The following EML6 variants were observed in gnomAD, a reference collection of about 807,000 sequenced individuals.
EML6 encodes echinoderm microtubule-associated protein-like 6.
EML6 carries 154 observed loss-of-function variants against 240.1 expected under a neutral mutation model. The observed-to-expected ratio is 0.64, with a 90% CI of 0.56 to 0.73. EML6 has a LOEUF of 0.73. Among genes scored for constraint, EML6 ranks in the 30% least tolerant of loss-of-function variants. The pLI, the probability that EML6 is intolerant of heterozygous loss-of-function variation, is 0.00. For missense variants in EML6, 2,964 were observed against 2,474.6 expected, an observed-to-expected ratio of 1.20 and a Z score of -4.20; for synonymous variants, 1,148 against 899.0, an observed-to-expected ratio of 1.28 and a Z score of -4.95.
Position 54,964,280 on chromosome 2 carries a change from C to T in EML6, c.5330+122C>T, listed in dbSNP as rs188642481. 9 of 977,530 alleles carry T rather than the reference C, an allele frequency of 9.2e-6. No individual in the cohort carries two copies. In the East Asian group the frequency reaches 2.4e-4, roughly 26 times the overall value. The allele number at this position is 977,530 out of a possible 1,614,324, so 60.6% of individuals were successfully genotyped here. ...TGTGAGAGGGTCACTTTCAACAAGC[C>T]ACCTATGAAAGAATACCTTCTCCCA... On this transcript the variant is annotated intron_variant, in intron 37 of 41. Transcript: ENST00000356458.
intron 12 of EML6, among the ~76,000 whole-genome samples, chr2:54,860,997 C>T (rs1425672366): frequency 6.6e-6 from 1 of 152,196 alleles, no homozygotes; most frequent in East Asian, 1.9e-4. Flanking sequence ...ACAGGAGTGA[C>T]ATCCCCTTGG....
intron 16 of EML6, among the ~76,000 whole-genome samples, chr2:54,874,995 T>A (rs1671432573): frequency 6.6e-6 from 1 of 152,088 alleles, no homozygotes; most frequent in Non-Finnish European, 1.5e-5. Context: ...CTCCTAGGTG[T>A]CAGGCCTCCT....
chr2:54,823,081 T>A (rs948921015), intron 5 of EML6, among the ~76,000 whole-genome samples: 1 of 152,204 alleles, frequency 6.6e-6, no homozygotes, highest in Admixed American at 6.5e-5. Flanking sequence ...AGTTTAATAT[T>A]TGAGTTTGTA....
At chr2:54,883,244 A>G (rs1344958429) in intron 17 of EML6, among the ~76,000 whole-genome samples, 2 of 152,188 alleles carry the variant, frequency 1.3e-5, no homozygotes, top group East Asian at 3.8e-4. Context: ...ATTTTTATTT[A>G]CATGTGGAGT....
chr2:54,855,067 T>C (rs887010709), intron 11 of EML6, among the ~76,000 whole-genome samples: 14 of 152,180 alleles, frequency 9.2e-5, no homozygotes, highest in African/African-American at 3.4e-4. Flanking sequence ...GTCTGGAAAA[T>C]AGCAATGGAA....
chr2:54,857,009 G>A (rs13387512), intron 11 of EML6, among the ~76,000 whole-genome samples: 29,058 of 152,054 alleles, frequency 0.19, 3,075 homozygotes, highest in African/African-American at 0.27. Context: ...CTGGATATGA[G>A]AATAGAGGAA....
intron 7 of EML6, among the ~76,000 whole-genome samples, chr2:54,839,658 C>T (rs1019464021): frequency 4.6e-5 from 7 of 152,206 alleles, no homozygotes; most frequent in African/African-American, 1.4e-4. Context: ...CAAATGAAAT[C>T]GGAGATGGTG....
At position 54,891,091 on chromosome 2, in the gene EML6, C is replaced by T; in HGVS notation, c.2476C>T (p.Pro826Ser). 2 of 1,510,842 alleles carry T rather than the reference C, an allele frequency of 1.3e-6. No individual in the cohort carries two copies. Among genetic ancestry groups the T allele is most frequent in the African/African-American group, 1.4e-5 (1 of 72,634 alleles). 93.6% of individuals were successfully genotyped at this position (1,510,842 alleles called of 1,614,324 possible). A position where few individuals can be genotyped will look rare whatever the true frequency, so the allele number is the denominator to read the frequency against. ...KDKIFVVKCN[P>S]HHVDKLVTVG... ...TAAGATATTTGTGGTAAAGTGTAACCCACACCATGTTGACAAACTGGTTAC... is the reference window on the plus strand; with the variant it reads ...TAAGATATTTGTGGTAAAGTGTAACTCACACCATGTTGACAAACTGGTTAC... The change falls in exon 18 of 42, where the codon CCA (proline) becomes TCA (serine). Residue 826 changes from proline to serine, a missense_variant. Pro to Ser is a moderately conservative substitution (Grantham distance 74). Coordinates refer to ENST00000356458, the MANE Select transcript of EML6 (RefSeq NM_001039753.4).
Position 54,911,046 on chromosome 2 carries a change from A to C in EML6, c.3498+4A>C. On this transcript the variant is annotated splice_donor_region_variant and intron_variant, in intron 25 of 41. Coordinates refer to ENST00000356458, the MANE Select transcript of EML6 (RefSeq NM_001039753.4). Reference sequence around the variant, plus strand: ...GCATATAATAAGACCTTCAGAGGTAATAATCATACACAAAGATTTTTAAAG... The same window carrying C: ...GCATATAATAAGACCTTCAGAGGTACTAATCATACACAAAGATTTTTAAAG... The C allele has an allele frequency of 7.0e-7, 1 of 1,423,694 alleles. No homozygotes were observed. The highest frequency in any genetic ancestry group is 9.6e-7 in the Non-Finnish European group (1 of 1,041,714). 88.2% of individuals were successfully genotyped at this position (1,423,694 alleles called of 1,614,324 possible). A position where few individuals can be genotyped will look rare whatever the true frequency, so the allele number is the denominator to read the frequency against.
chr2:54,749,805 C>T (rs1171132926), intron 2 of EML6, among the ~76,000 whole-genome samples: 1 of 152,108 alleles, frequency 6.6e-6, no homozygotes, highest in African/African-American at 2.4e-5. Context: ...GCCTAATTTA[C>T]GTAATTGTCT....
At chr2:54,753,608 G>A (rs1684268866) in intron 2 of EML6, among the ~76,000 whole-genome samples, 1 of 151,730 alleles carries the variant, frequency 6.6e-6, no homozygotes, top group African/African-American at 2.4e-5. Context: ...AGAAAAAGCA[G>A]AGGAACAGAG....
chr2:54,770,971 CAG>C (rs1558536786), intron 2 of EML6, among the ~76,000 whole-genome samples: 1 of 152,028 alleles, frequency 6.6e-6, no homozygotes, highest in Non-Finnish European at 1.5e-5. Context: ...AATGGAAACA[CAG>C]AGAGGAGCAG....
intron 35 of EML6, 79 bp downstream of exon 35, chr2:54,960,413 G>C: frequency 9.4e-7 from 1 of 1,066,936 alleles, no homozygotes. Flanking sequence ...CACTTTCTCT[G>C]GGCTGGTTTG....
rs188202184 is a variant in EML6, at chr2:54,956,465, T to A, written c.4487-1325T>A. Among the ~76,000 whole-genome samples, 179 of 152,350 alleles carry A rather than the reference T, an allele frequency of 1.2e-3. 2 individuals are homozygous for A. The highest frequency in any genetic ancestry group is 0.01 in the Middle Eastern group (3 of 294). ...TCTAATGTTAATCCTCTGAATCTTA[T>A]AAGCATTGCAAGTGCTTTCTTCCCG... On this transcript the variant is annotated intron_variant, in intron 32 of 41. Coordinates refer to ENST00000356458, the MANE Select transcript of EML6 (RefSeq NM_001039753.4).
intron 14 of EML6, chr2:54,867,089 T>C: frequency 4.9e-6 from 2 of 405,462 alleles, no homozygotes; most frequent in Non-Finnish European, 4.6e-6. Context: ...TCTGTGGCCA[T>C]CACAGTGTGA....
intron 24 of EML6, among the ~76,000 whole-genome samples, chr2:54,904,587 T>G (rs1673220891): frequency 6.6e-6 from 1 of 150,564 alleles, no homozygotes; most frequent in African/African-American, 2.4e-5. Context: ...ATATGAAGAG[T>G]GAAGGTGGGA....
intron 2 of EML6, among the ~76,000 whole-genome samples, chr2:54,728,187 A>T (rs1233361754): frequency 6.6e-6 from 1 of 152,384 alleles, no homozygotes; most frequent in East Asian, 1.9e-4. Context: ...TAACAACAAG[A>T]TGCAAATCAG....
intron 2 of EML6, among the ~76,000 whole-genome samples, chr2:54,727,643 G>C (rs1452866358): frequency 1.3e-5 from 2 of 152,184 alleles, no homozygotes; most frequent in African/African-American, 4.8e-5. Flanking sequence ...TAATGCAAAA[G>C]TGTTTTGGTT....
intron 5 of EML6, among the ~76,000 whole-genome samples, chr2:54,824,577 G>A (rs765851387): frequency 1.3e-5 from 2 of 152,142 alleles, no homozygotes; most frequent in Admixed American, 1.3e-4. Flanking sequence ...TGTATAGCTA[G>A]GGTGAAATCC....
Sources: allele counts gnomAD v4.1 joint callset (sites outside exome capture counted in the v4.1 genomes callset), GRCh38; gene constraint gnomAD v4.1.1; transcripts MANE v1.5; gene names NCBI Gene and HGNC (gene_info 2026-07-23, HGNC 2026-07-21).